Variants in NCAM1 observed in about 807,000 individuals in gnomAD.
NCAM1 encodes antigen recognized by monoclonal antibody 5.1H11.
NCAM1 carries 14 observed loss-of-function variants against 109.8 expected under a neutral mutation model. The ratio of observed to expected loss-of-function variants is 0.13; its 90% CI spans 0.08 to 0.20. NCAM1 has a LOEUF of 0.20. NCAM1 is among the 10% of genes least tolerant of loss of function. NCAM1 has a pLI of 1.00. For synonymous variants in NCAM1, 418 were observed against 442.9 expected, an observed-to-expected ratio of 0.94 and a Z score of 0.70; for missense variants, 774 against 1,109.9, an observed-to-expected ratio of 0.70 and a Z score of 4.30.
Position 112,961,616 on chromosome 11 carries a change from C to T in NCAM1, c.4C>T (p.Leu2=). The T allele has an allele frequency of 6.7e-7, 1 of 1,492,808 alleles. No homozygotes were observed. The highest frequency in any genetic ancestry group is 9.3e-7 in the Non-Finnish European group (1 of 1,072,326). The allele number at this position is 1,492,808 out of a possible 1,614,324, so 92.5% of individuals were successfully genotyped here. Residue 2 remains leucine (L), a synonymous_variant, in exon 1 of 20, where the codon CTG becomes TTG. Coordinates refer to ENST00000316851, the MANE Select transcript of NCAM1 (RefSeq NM_181351.5). ...CCCTCCCAGCCAGCAGATTACAATG[C>T]TGCAAACTAAGGATCTCATCTGGAC... M[L]QTKDLIWTLF...
chr11:113,217,629 A>G (rs558225055), intron 8 of NCAM1, among the ~76,000 whole-genome samples: 7 of 152,314 alleles, frequency 4.6e-5, no homozygotes, highest in Non-Finnish European at 1.0e-4. Context: ...CTGTTGCCTC[A>G]TATTGAGCTT....
intron 1 of NCAM1, among the ~76,000 whole-genome samples, chr11:113,024,455 T>G (rs4351849): frequency 0.14 from 20,747 of 152,150 alleles, 1,782 homozygotes; most frequent in South Asian, 0.4. Flanking sequence ...TTGGAGTAGT[T>G]TATTTGCTTA....
intron 1 of NCAM1, among the ~76,000 whole-genome samples, chr11:113,127,566 AC>A (rs1941227100): frequency 6.6e-6 from 1 of 152,124 alleles, no homozygotes; most frequent in Admixed American, 6.5e-5. Context: ...GTATTTTTAA[AC>A]CCCCATTGCT....
chr11:113,126,225 A>G (rs989462851), intron 1 of NCAM1, among the ~76,000 whole-genome samples: 1 of 151,868 alleles, frequency 6.6e-6, no homozygotes, highest in Non-Finnish European at 1.5e-5. Context: ...TAATAATAAT[A>G]TACAGTAATA....
chr11:113,216,513 A>C (rs1407229016), intron 8 of NCAM1, among the ~76,000 whole-genome samples: 2 of 152,222 alleles, frequency 1.3e-5, no homozygotes, highest in Non-Finnish European at 2.9e-5. Context: ...TACTTGCTAA[A>C]TATGGAGACA....
intron 1 of NCAM1, among the ~76,000 whole-genome samples, chr11:113,063,160 A>G (rs1343321499): frequency 6.6e-6 from 1 of 152,224 alleles, no homozygotes; most frequent in Non-Finnish European, 1.5e-5. Flanking sequence ...GTAAAGGAAT[A>G]TCAGTGAAAG....
intron 1 of NCAM1, among the ~76,000 whole-genome samples, chr11:112,964,129 G>GTTTTT (rs782504184): frequency 1.6e-5 from 2 of 123,868 alleles, no homozygotes; most frequent in Admixed American, 8.3e-5. Context: ...TATATCTGAG[G>GTTTTT]TTTTTTTTTT....
At chr11:113,083,149 C>CAGAG (rs1323907441) in intron 1 of NCAM1, among the ~76,000 whole-genome samples, 17 of 151,918 alleles carry the variant, frequency 1.1e-4, no homozygotes, top group Non-Finnish European at 1.9e-4. Context: ...CTGCTCCTGG[C>CAGAG]CATGTGGTGG....
intron 1 of NCAM1, among the ~76,000 whole-genome samples, chr11:113,026,189 C>T (rs1555077282): frequency 6.6e-6 from 1 of 152,152 alleles, no homozygotes; most frequent in African/African-American, 2.4e-5. Flanking sequence ...ACATTCCAGA[C>T]ATAGCATCTA....
intron 1 of NCAM1, among the ~76,000 whole-genome samples, chr11:113,140,403 C>G (rs537506080): frequency 1.3e-5 from 2 of 152,192 alleles, no homozygotes; most frequent in East Asian, 3.9e-4. Flanking sequence ...CACCTGTGGT[C>G]CAGCATTATG....
intron 14 of NCAM1, among the ~76,000 whole-genome samples, chr11:113,237,528 A>G (rs1765160220): frequency 6.6e-6 from 1 of 152,200 alleles, no homozygotes; most frequent in Admixed American, 6.5e-5. Flanking sequence ...GGCCGGACTG[A>G]CAGGTACCTG....
At chr11:113,102,086 T>C (rs561314653) in intron 1 of NCAM1, among the ~76,000 whole-genome samples, 4 of 152,360 alleles carry the variant, frequency 2.6e-5, no homozygotes, top group East Asian at 1.9e-4. Context: ...TGCAAACTCA[T>C]TATTTGTTCA....
intron 1 of NCAM1, among the ~76,000 whole-genome samples, chr11:113,045,100 G>A (rs1555080578): frequency 1.3e-5 from 2 of 152,292 alleles, no homozygotes; most frequent in African/African-American, 2.4e-5. Flanking sequence ...ATATTTGAGC[G>A]AAAACATCCC....
intron 17 of NCAM1, 151 bp downstream of exon 17, chr11:113,260,474 C>A: frequency 1.2e-6 from 1 of 834,370 alleles, no homozygotes; most frequent in Non-Finnish European, 1.8e-6. Context: ...TTGCCTTGTA[C>A]CTATCTGTGC....
intron 1 of NCAM1, among the ~76,000 whole-genome samples, chr11:113,091,798 A>G (rs1555089413): frequency 6.6e-6 from 1 of 152,224 alleles, no homozygotes; most frequent in East Asian, 1.9e-4. Context: ...GGCTTGCCTA[A>G]TAGTCGTGAA....
At chr11:112,965,178 A>G (rs1464940591) in intron 1 of NCAM1, among the ~76,000 whole-genome samples, 2 of 152,122 alleles carry the variant, frequency 1.3e-5, no homozygotes, top group Non-Finnish European at 2.9e-5. Context: ...AACTAAGAAT[A>G]TGTTGATTTA....
At chr11:113,015,733 AAAAAAC>A (rs1952190751) in intron 1 of NCAM1, among the ~76,000 whole-genome samples, 1 of 152,134 alleles carries the variant, frequency 6.6e-6, no homozygotes, top group Non-Finnish European at 1.5e-5. Context: ...TCCATCTAAA[AAAAAAC>A]AAAAACAAAA....
At chr11:112,967,971 ACACATTGC>A (rs1424576099) in intron 1 of NCAM1, among the ~76,000 whole-genome samples, 2 of 152,194 alleles carry the variant, frequency 1.3e-5, no homozygotes, top group African/African-American at 2.4e-5. Flanking sequence ...GACCATGAGA[ACACATTGC>A]CAAGTCCCAG....
In NCAM1 at chr11:113,107,142, T is replaced by A. The variant is rs562897575; in HGVS notation, c.53-95237T>A. On this transcript the variant is annotated intron_variant, in intron 1 of 19. Transcript: ENST00000316851. ...AGCTCAGACCAGTAGAAGACAGAAA[T>A]ACTTGGGAGAGTGTGGTTATATGGT... 1.1e-4 allele frequency among the ~76,000 whole-genome samples: 16 copies of A among 152,334 alleles called. No homozygotes were observed. In the East Asian group the frequency reaches 2.7e-3, roughly 26 times the overall value.
Sources: allele counts gnomAD v4.1 joint callset (sites outside exome capture counted in the v4.1 genomes callset), GRCh38; gene constraint gnomAD v4.1.1; transcripts MANE v1.5; gene names NCBI Gene and HGNC (gene_info 2026-07-23, HGNC 2026-07-21).